CTNNA2: variants seen among roughly 807,000 people sequenced by gnomAD.
CTNNA2 encodes catenin alpha 2.
Under a neutral mutation model 101.0 loss-of-function variants are expected in CTNNA2, and 42 were observed. That is an observed-to-expected ratio of 0.42 (90% confidence interval 0.32 to 0.54). The LOEUF is 0.54. Among genes scored for constraint, CTNNA2 ranks in the 20% least tolerant of loss-of-function variants. The probability of loss-of-function intolerance (pLI) is 0.14; values close to 1 mark genes in which losing one functional copy is unlikely to be tolerated. For missense variants in CTNNA2, 871 were observed against 1,223.1 expected (o/e 0.71, Z 4.29); for synonymous variants, 450 against 456.4 (o/e 0.99, Z 0.18).
chr2:79,932,019 C>T (rs1687480041), intron 7 of CTNNA2, among the ~76,000 whole-genome samples: 1 of 152,214 alleles, frequency 6.6e-6, no homozygotes, highest in South Asian at 2.1e-4. Flanking sequence ...CATTGAGCCT[C>T]TCTCACACCT....
chr2:80,363,484 C>A (rs1444787197), intron 7 of CTNNA2, among the ~76,000 whole-genome samples: 2 of 152,132 alleles, frequency 1.3e-5, no homozygotes, highest in Non-Finnish European at 2.9e-5. Context: ...GTGACTGAAA[C>A]AATGCTAAGA....
chr2:79,634,760 G>T (rs1010344540), intron 1 of CTNNA2: 2 of 152,222 alleles, frequency 1.3e-5, no homozygotes, highest in Non-Finnish European at 2.9e-5. Flanking sequence ...CACAAGAAAA[G>T]GCTTAGAAGG....
At chr2:79,645,021 C>T (rs1056904927) in intron 1 of CTNNA2, among the ~76,000 whole-genome samples, 14 of 151,508 alleles carry the variant, frequency 9.2e-5, no homozygotes, top group Non-Finnish European at 2.1e-4. Flanking sequence ...TTTACTCTAA[C>T]ATCCAGACTG....
intron 7 of CTNNA2, among the ~76,000 whole-genome samples, chr2:80,113,472 T>C (rs1273048116): frequency 6.6e-6 from 1 of 152,214 alleles, no homozygotes; most frequent in Non-Finnish European, 1.5e-5. Flanking sequence ...AGTCCATAGA[T>C]TGGGAGTCAT....
At chr2:80,003,482 C>T (rs1161734148) in intron 7 of CTNNA2, among the ~76,000 whole-genome samples, 1 of 152,116 alleles carries the variant, frequency 6.6e-6, no homozygotes, top group Non-Finnish European at 1.5e-5. Context: ...ACCACTGGGC[C>T]TACACAATGG....
At chr2:80,252,874 G>T (rs980753379) in intron 7 of CTNNA2, among the ~76,000 whole-genome samples, 1 of 152,096 alleles carries the variant, frequency 6.6e-6, no homozygotes, top group Non-Finnish European at 1.5e-5. Flanking sequence ...GTGGTAAGTT[G>T]GTGAGTTTTG....
At chr2:80,081,588 T>C (rs900549622) in intron 7 of CTNNA2, among the ~76,000 whole-genome samples, 3 of 144,838 alleles carry the variant, frequency 2.1e-5, no homozygotes, top group African/African-American at 7.6e-5. Flanking sequence ...GCAAAAGACA[T>C]GATATAAGTT....
chr2:80,068,726 A>G (rs972265432), intron 7 of CTNNA2, among the ~76,000 whole-genome samples: 2 of 152,208 alleles, frequency 1.3e-5, no homozygotes, highest in Non-Finnish European at 2.9e-5. Context: ...AGTCAGAAAC[A>G]GTGACTGGCC....
At chr2:80,591,457 G>GTTTTTTTTCTTTTTTT (rs1696487997) in intron 15 of CTNNA2, among the ~76,000 whole-genome samples, 1 of 70,314 alleles carries the variant, frequency 1.4e-5, no homozygotes, top group African/African-American at 4.6e-5. Flanking sequence ...TGCACAGCCT[G>GTTTTTTTTCTTTTTTT]TTTTTTTTTT....
At chr2:80,556,899 C>T (rs1476023194) in intron 12 of CTNNA2, among the ~76,000 whole-genome samples, 1 of 152,140 alleles carries the variant, frequency 6.6e-6, no homozygotes, top group Non-Finnish European at 1.5e-5. Flanking sequence ...TGGATGCCAC[C>T]AGGCATTTTT....
At chr2:79,813,992 C>A (rs1677252773) in intron 3 of CTNNA2, among the ~76,000 whole-genome samples, 1 of 152,064 alleles carries the variant, frequency 6.6e-6, no homozygotes, top group Non-Finnish European at 1.5e-5. Context: ...CAATCCTATA[C>A]CTTGGCTTGC....
At chr2:79,604,189 C>T (rs1677733093) in intron 1 of CTNNA2, among the ~76,000 whole-genome samples, 3 of 152,164 alleles carry the variant, frequency 2.0e-5, no homozygotes, top group Non-Finnish European at 4.4e-5. Flanking sequence ...GTGGGAATTA[C>T]CACTTCTGAA....
At chr2:80,010,671 G>C (rs1202890113) in intron 7 of CTNNA2, among the ~76,000 whole-genome samples, 1 of 151,956 alleles carries the variant, frequency 6.6e-6, no homozygotes, top group Non-Finnish European at 1.5e-5. Context: ...GCTCTGGATG[G>C]TCTAGTTAGG....
chr2:79,720,178 A>T (rs1440927148), intron 2 of CTNNA2, among the ~76,000 whole-genome samples: 1 of 151,828 alleles, frequency 6.6e-6, no homozygotes, highest in African/African-American at 2.4e-5. Context: ...GCTTTTGTTG[A>T]CCTTGAGGAA....
chr2:79,259,311 T>C (rs557447107), intron 2 of CTNNA2, among the ~76,000 whole-genome samples: 6 of 152,166 alleles, frequency 3.9e-5, no homozygotes, highest in Admixed American at 2.0e-4. Flanking sequence ...CACACCTACT[T>C]CCTCAACTTC....
intron 13 of CTNNA2, among the ~76,000 whole-genome samples, chr2:80,576,746 T>A (rs1478113726): frequency 7.3e-6 from 1 of 136,842 alleles, no homozygotes; most frequent in Non-Finnish European, 1.5e-5. Context: ...GTCGGGAGTT[T>A]AAGACCAGCC....
intron 3 of CTNNA2, among the ~76,000 whole-genome samples, chr2:79,371,247 G>A (rs1573131110): frequency 6.6e-6 from 1 of 152,090 alleles, no homozygotes; most frequent in East Asian, 2.0e-4. Flanking sequence ...AGATGCGATG[G>A]AAGGAGCACT....
At chr2:80,315,001 A>T (rs1331247350) in intron 7 of CTNNA2, among the ~76,000 whole-genome samples, 3 of 152,242 alleles carry the variant, frequency 2.0e-5, no homozygotes, top group East Asian at 3.9e-4. Flanking sequence ...TTAACCCCTG[A>T]GCAGAAACAT....
At chr2:79,621,788 A>T (rs1268392057) in intron 1 of CTNNA2, among the ~76,000 whole-genome samples, 1 of 152,174 alleles carries the variant, frequency 6.6e-6, no homozygotes, top group East Asian at 1.9e-4. Context: ...CAAATTCAAC[A>T]CCAGTAGTGA....
Sources: allele counts gnomAD v4.1 joint callset (sites outside exome capture counted in the v4.1 genomes callset), GRCh38; gene constraint gnomAD v4.1.1; transcripts MANE v1.5; gene names NCBI Gene and HGNC (gene_info 2026-07-23, HGNC 2026-07-21).